LGSN: variants seen among roughly 807,000 people sequenced by gnomAD.
LGSN encodes lengsin.
A neutral mutation model predicts 19.5 loss-of-function variants in LGSN; 21 were observed. The ratio of observed to expected loss-of-function variants is 1.07; its 90% confidence interval spans 0.76 to 1.55. The LOEUF (loss-of-function observed/expected upper bound fraction) is 1.55. Among genes scored for constraint, LGSN ranks in the 40% most tolerant of loss-of-function variants. The pLI is 0.00. For synonymous variants in LGSN, 257 were observed against 215.6 expected, an observed-to-expected ratio of 1.19 and a Z score of -1.68; for missense variants, 673 against 608.5, an observed-to-expected ratio of 1.11 and a Z score of -1.12.
the LGSN span, among the ~76,000 whole-genome samples, chr6:63,333,598 G>A: frequency 7.3e-6 from 1 of 136,356 alleles, no homozygotes; most frequent in Non-Finnish European, 1.6e-5. Context: ...AAGGAAGGGG[G>A]GAGGGAGGGA....
At chr6:63,542,176 G>A in the LGSN span, among the ~76,000 whole-genome samples, 1 of 152,016 alleles carries the variant, frequency 6.6e-6, no homozygotes, top group Non-Finnish European at 1.5e-5. Context: ...TCAGGAATGG[G>A]AAACCAAACA....
At chr6:63,359,664 G>A in the LGSN span, among the ~76,000 whole-genome samples, 1 of 152,220 alleles carries the variant, frequency 6.6e-6, no homozygotes, top group Non-Finnish European at 1.5e-5. Flanking sequence ...GTATTTCTGT[G>A]GGATCGATGG....
the LGSN span, among the ~76,000 whole-genome samples, chr6:63,376,106 A>G: frequency 6.6e-6 from 1 of 152,174 alleles, no homozygotes; most frequent in African/African-American, 2.4e-5. Context: ...TCTTTACTCC[A>G]CAGACCTTAC....
At chr6:63,516,555 T>C in the LGSN span, among the ~76,000 whole-genome samples, 6 of 152,214 alleles carry the variant, frequency 3.9e-5, no homozygotes, top group African/African-American at 7.2e-5. Context: ...ATGACTCAAT[T>C]TTTCCATTTG....
At chr6:63,491,006 T>C in the LGSN span, among the ~76,000 whole-genome samples, 1 of 152,106 alleles carries the variant, frequency 6.6e-6, no homozygotes, top group Non-Finnish European at 1.5e-5. Context: ...GGTTGAATGA[T>C]GCCTGCCCAC....
intron 1 of LGSN, among the ~76,000 whole-genome samples, chr6:63,296,912 A>G (rs963305463): frequency 1.3e-5 from 2 of 152,108 alleles, no homozygotes; most frequent in African/African-American, 4.8e-5. Context: ...GCTTCCTAAA[A>G]GCCAGAGATC....
chr6:63,533,346 C>T, the LGSN span, among the ~76,000 whole-genome samples: 1 of 152,130 alleles, frequency 6.6e-6, no homozygotes, highest in South Asian at 2.1e-4. Flanking sequence ...TATGACACTG[C>T]ACTTCAGCCT....
the LGSN span, among the ~76,000 whole-genome samples, chr6:63,341,369 G>A: frequency 6.6e-6 from 1 of 152,174 alleles, no homozygotes; most frequent in African/African-American, 2.4e-5. Context: ...TGGCAGTGGT[G>A]GGCTAGGCAG....
the LGSN span, among the ~76,000 whole-genome samples, chr6:63,436,596 C>A: frequency 6.6e-6 from 1 of 152,154 alleles, no homozygotes; most frequent in Non-Finnish European, 1.5e-5. Context: ...CCCTGCCTGT[C>A]CTTGAAAACG....
chr6:63,381,999 C>G, the LGSN span, among the ~76,000 whole-genome samples: 1 of 152,114 alleles, frequency 6.6e-6, no homozygotes, highest in East Asian at 1.9e-4. Context: ...CATGCTGAAC[C>G]TACTAGCACA....
rs1767242992 is a variant in LGSN at position 63,280,275 on chromosome 6, C to A, written c.1276G>T (p.Ala426Ser). The A allele has an allele frequency of 6.2e-7, 1 of 1,614,214 alleles. No individual in the cohort carries two copies. The highest frequency in any genetic ancestry group is 8.5e-7 in the Non-Finnish European group (1 of 1,180,038). ...CTGCTATGAAGTCCATCTAAGCCGG[C>A]AGCAACAGTTGCAGCCAGCACCAAG... ...PYLVLAATVAAGLDGLHSSNE... is the reference protein window; with the variant it reads ...PYLVLAATVASGLDGLHSSNE... The change falls in exon 4 of 4, where the codon GCC (alanine) becomes TCC (serine). Residue 426 changes from alanine to serine, a missense_variant. Physicochemically the swap from Ala to Ser is moderately conservative, Grantham distance 99. Coordinates refer to ENST00000370657, the MANE Select transcript of LGSN (RefSeq NM_016571.3).
chr6:63,491,121 C>T, the LGSN span, among the ~76,000 whole-genome samples: 2 of 152,158 alleles, frequency 1.3e-5, no homozygotes, highest in African/African-American at 2.4e-5. Flanking sequence ...TACCAACTAT[C>T]TGGCCCTTTC....
the LGSN span, among the ~76,000 whole-genome samples, chr6:63,422,137 C>G: frequency 6.6e-6 from 1 of 152,138 alleles, no homozygotes; most frequent in East Asian, 1.9e-4. Context: ...GATCTCAGCT[C>G]ACTGCAACCT....
the LGSN span, among the ~76,000 whole-genome samples, chr6:63,516,044 T>G: frequency 6.6e-6 from 1 of 152,228 alleles, no homozygotes; most frequent in Non-Finnish European, 1.5e-5. Context: ...TCATTTATTT[T>G]TATTTATTCT....
the LGSN span, chr6:63,573,449 G>C: frequency 6.6e-6 from 1 of 152,078 alleles, no homozygotes; most frequent in Non-Finnish European, 1.5e-5. Context: ...AAATGGCCTC[G>C]GCGCCCGCGC....
the LGSN span, among the ~76,000 whole-genome samples, chr6:63,397,693 A>T: frequency 6.6e-6 from 1 of 152,166 alleles, no homozygotes; most frequent in Non-Finnish European, 1.5e-5. Context: ...AGGAGGCTGG[A>T]TCACTTGAGG....
chr6:63,497,887 T>C, the LGSN span, among the ~76,000 whole-genome samples: 5 of 151,788 alleles, frequency 3.3e-5, no homozygotes, highest in Admixed American at 2.0e-4. Context: ...TATTTCCTTG[T>C]TCTTCACAGT....
chr6:63,333,849 T>C, the LGSN span, among the ~76,000 whole-genome samples: 6 of 152,100 alleles, frequency 3.9e-5, no homozygotes, highest in Admixed American at 3.3e-4. Flanking sequence ...ATATGAAACA[T>C]CACATCAACA....
the LGSN span, among the ~76,000 whole-genome samples, chr6:63,327,175 T>C: frequency 1.0e-3 from 156 of 152,326 alleles, 2 homozygotes; most frequent in Admixed American, 8.7e-3. Context: ...AGTGGGTCGG[T>C]CCAGGGGTCC....
Sources: allele counts gnomAD v4.1 joint callset (sites outside exome capture counted in the v4.1 genomes callset), GRCh38; gene constraint gnomAD v4.1.1; transcripts MANE v1.5; gene names NCBI Gene and HGNC (gene_info 2026-07-23, HGNC 2026-07-21).